Variants in STX3 observed in about 807,000 individuals in gnomAD.
STX3 encodes syntaxin-3.
Under a neutral mutation model 40.2 loss-of-function variants are expected in STX3, and 19 were observed. That is an observed-to-expected ratio of 0.47 (90% CI 0.33 to 0.69). The LOEUF (loss-of-function observed/expected upper bound fraction) is 0.69, where lower values mean the gene tolerates loss of function less well. STX3 is among the 30% of genes least tolerant of loss of function. STX3 has a pLI of 0.02. For synonymous variants in STX3, 122 were observed against 132.2 expected (o/e 0.92, Z 0.53); for missense variants, 364 against 366.7 (o/e 0.99, Z 0.06).
intron 2 of STX3, among the ~76,000 whole-genome samples, chr11:59,786,797 G>A (rs964933138): frequency 2.6e-5 from 4 of 152,110 alleles, no homozygotes; most frequent in African/African-American, 9.7e-5. Context: ...ATCCAAAGTG[G>A]GTGAATGTAT....
At chr11:59,779,976 G>A (rs75677157) in intron 2 of STX3, among the ~76,000 whole-genome samples, 15,805 of 152,154 alleles carry the variant, frequency 0.1, 1,154 homozygotes, top group African/African-American at 0.2. Flanking sequence ...GACCTACCAG[G>A]CAAACTGGTA....
intron 2 of STX3, among the ~76,000 whole-genome samples, chr11:59,783,723 A>C (rs1419167545): frequency 3.9e-5 from 6 of 152,180 alleles, no homozygotes; most frequent in Non-Finnish European, 7.3e-5. Context: ...CACACCATTA[A>C]ATACTCAGAA....
intron 4 of STX3, 140 bp downstream of exon 4, chr11:59,789,087 TC>T (rs1864955724): frequency 2.9e-6 from 2 of 689,502 alleles, no homozygotes; most frequent in Non-Finnish European, 4.8e-6. Flanking sequence ...TTGGGCTCTG[TC>T]CCCGCAATGA....
rs1304137453 is a variant in STX3, at chr11:59,802,007, T to C, written c.*1183T>C. 3 of 985,356 alleles carry C rather than the reference T, an allele frequency of 3.0e-6. No individual in the cohort carries two copies. In the African/African-American group the frequency reaches 5.2e-5, roughly 17 times the overall value. 61.0% of individuals were successfully genotyped at this position (985,356 alleles called of 1,614,324 possible). A position where few individuals can be genotyped will look rare whatever the true frequency, so the allele number is the denominator to read the frequency against. ...TAAATTGATCCCAATTAAGTTTTTC[T>C]GCTTAGCAGACAGAAGGTATAATTT... On this transcript the variant is annotated 3_prime_UTR_variant, in exon 11 of 11. Transcript: ENST00000337979.
chr11:59,797,284 A>T lies in STX3; in HGVS notation c.788A>T (p.Lys263Ile), dbSNP rs760711579. Residue 263 changes from lysine to isoleucine, a missense_variant and splice_region_variant, in exon 10 of 11, where the codon AAA becomes ATA. Physicochemically the swap from Lys to Ile is moderately radical, Grantham distance 102. Transcript: ENST00000337979. ...AVKYQSQARK[K>I]LIIIIVLVVV... The stretch of plus-strand genomic sequence containing the variant: ...TTTTTGTCTTATTCCTCTCTCCAGA[A>T]ATTGATAATTATCATTGTGCTAGTA... 2 of 1,612,354 alleles carry T rather than the reference A, an allele frequency of 1.2e-6. No individual in the cohort carries two copies. Among genetic ancestry groups the T allele is most frequent in the Non-Finnish European group, 1.7e-6 (2 of 1,178,526 alleles).
chr11:59,796,471 T>A (rs1409245878), intron 9 of STX3, among the ~76,000 whole-genome samples: 1 of 152,252 alleles, frequency 6.6e-6, no homozygotes. Flanking sequence ...CAACTTTACC[T>A]ATTGCTTATG....
Position 59,787,057 on chromosome 11 carries a change from C to T in STX3, c.135C>T (p.Asn45=), listed in dbSNP as rs950887047. The change falls in exon 3 of 11, where the codon AAC becomes AAT. Residue 45 remains asparagine, a synonymous_variant. Transcript: ENST00000337979. ...TATAGATTGAGGAAACTCGGCTTAA[C>T]ATTGACAAGATCTCAGAACATGTAG... ...FFSEIEETRL[N]IDKISEHVEE... 1.2e-6 allele frequency: 2 copies of T among 1,613,992 alleles called. No homozygotes were observed. The highest frequency in any genetic ancestry group is 3.3e-5 in the Admixed American group (2 of 59,990).
chr11:59,777,389 G>A (rs1294794378), intron 2 of STX3, among the ~76,000 whole-genome samples: 1 of 152,162 alleles, frequency 6.6e-6, no homozygotes, highest in Non-Finnish European at 1.5e-5. Context: ...GCAAAGTGAT[G>A]GGGAACCTTC....
intron 10 of STX3, chr11:59,799,530 A>T: frequency 2.6e-6 from 1 of 386,222 alleles, no homozygotes; most frequent in Non-Finnish European, 3.5e-6. Context: ...AACCTTATTT[A>T]ATATTTTTCT....
intron 9 of STX3, among the ~76,000 whole-genome samples, chr11:59,795,952 G>C (rs1175515784): frequency 6.6e-6 from 1 of 152,170 alleles, no homozygotes; most frequent in Non-Finnish European, 1.5e-5. Context: ...AGTTCTGTAG[G>C]ATGGATGCAT....
intron 1 of STX3, among the ~76,000 whole-genome samples, chr11:59,767,406 TG>T (rs1863335277): frequency 6.6e-6 from 1 of 152,200 alleles, no homozygotes; most frequent in Non-Finnish European, 1.5e-5. Context: ...TTGATAAAGA[TG>T]CTGAAGTTCT....
At chr11:59,793,009 G>T in intron 6 of STX3, 90 bp from the exon 7 acceptor site, 1 of 1,306,346 alleles carries the variant, frequency 7.7e-7, no homozygotes, top group South Asian at 1.3e-5. Flanking sequence ...GGTCTTTATA[G>T]GGAAGTCACG....
At chr11:59,769,491 T>C (rs1365953862) in intron 1 of STX3, among the ~76,000 whole-genome samples, 5 of 152,212 alleles carry the variant, frequency 3.3e-5, no homozygotes, top group Non-Finnish European at 7.3e-5. Flanking sequence ...GGTTTGGGAC[T>C]TGACTGAGGC....
At position 59,802,662 on chromosome 11, in the gene STX3, T is replaced by C. The variant is rs1865934388; in HGVS notation, c.*1838T>C. The C allele has an allele frequency of 1.0e-6, 1 of 985,544 alleles. No homozygotes were observed. Among genetic ancestry groups the C allele is most frequent in the South Asian group, 4.7e-5 (1 of 21,290 alleles). 61.0% of individuals were successfully genotyped at this position (985,544 alleles called of 1,614,324 possible). A position where few individuals can be genotyped will look rare whatever the true frequency, so the allele number is the denominator to read the frequency against. On this transcript the variant is annotated 3_prime_UTR_variant, in exon 11 of 11. Transcript: ENST00000337979. Reference sequence around the variant, plus strand: ...TTTTTAGATGTAAACTTGATTATTTTATTGCTAATTTAAAAATAAAAATGA... The same window carrying C: ...TTTTTAGATGTAAACTTGATTATTTCATTGCTAATTTAAAAATAAAAATGA...
At chr11:59,781,756 A>G in intron 2 of STX3, 1 of 1,556,958 alleles carries the variant, frequency 6.4e-7, no homozygotes, top group Non-Finnish European at 8.7e-7. Flanking sequence ...AGAGAGCAAC[A>G]TTTGTTTTCT....
Position 59,773,279 on chromosome 11 carries a change from C to T in STX3, c.99C>T (p.Asp33=), listed in dbSNP as rs1863764300. 57 of 1,613,930 alleles carry T rather than the reference C, an allele frequency of 3.5e-5. No individual in the cohort carries two copies. The highest frequency in any genetic ancestry group is 1.7e-4 in the Middle Eastern group (1 of 6,060). The change falls in exon 2 of 11, where the codon GAC becomes GAT. Residue 33 remains aspartate, a synonymous_variant. Transcript: ENST00000337979. ...EIAIDNTAFM[D]EFFSEIEETR... The stretch of plus-strand genomic sequence containing the variant: ...CTATCGACAACACGGCTTTTATGGA[C>T]GAGTTCTTTTCTGAGGTAGGCAACC...
At chr11:59,799,844 C>T in intron 10 of STX3, 2 of 985,202 alleles carry the variant, frequency 2.0e-6, no homozygotes, top group Non-Finnish European at 2.4e-6. Flanking sequence ...TTTTCTGGCA[C>T]TTGGAGTCTA....
chr11:59,801,980 G>A lies in STX3; in HGVS notation c.*1156G>A, dbSNP rs945900299. On this transcript the variant is annotated 3_prime_UTR_variant, in exon 11 of 11. Transcript: ENST00000337979. ...GAATAAAATGAGAACTCTGGAGTGA[G>A]CTAAATTGATCCCAATTAAGTTTTT... The A allele has an allele frequency of 1.2e-5, 12 of 985,310 alleles. No homozygotes were observed. The highest frequency in any genetic ancestry group is 1.4e-5 in the Non-Finnish European group (12 of 829,926). The allele number at this position is 985,310 out of a possible 1,614,324, so 61.0% of individuals were successfully genotyped here. A position where few individuals can be genotyped will look rare whatever the true frequency, so the allele number is the denominator to read the frequency against.
chr11:59,759,931 C>T (rs1862942285), intron 1 of STX3, among the ~76,000 whole-genome samples: 1 of 152,134 alleles, frequency 6.6e-6, no homozygotes, highest in African/African-American at 2.4e-5. Context: ...CATAACTGAA[C>T]CTTAACATAC....
Sources: allele counts gnomAD v4.1 joint callset (sites outside exome capture counted in the v4.1 genomes callset), GRCh38; gene constraint gnomAD v4.1.1; transcripts MANE v1.5; gene names NCBI Gene and HGNC (gene_info 2026-07-23, HGNC 2026-07-21).